Variants in STIM2 observed in about 807,000 individuals in gnomAD.
STIM2 encodes stromal interaction molecule 2.
A neutral mutation model predicts 85.8 loss-of-function variants in STIM2; 31 were observed. The ratio of observed to expected loss-of-function variants is 0.36; its 90% CI spans 0.27 to 0.49. The LOEUF is 0.49. STIM2 is among the 20% of genes least tolerant of loss of function. STIM2 has a pLI of 0.98. For missense variants in STIM2, 841 were observed against 927.6 expected (o/e 0.91, Z 1.21); for synonymous variants, 356 against 331.1 (o/e 1.08, Z -0.82).
intron 2 of STIM2, among the ~76,000 whole-genome samples, chr4:26,936,515 T>C (rs1725396708): frequency 6.6e-6 from 1 of 152,210 alleles, no homozygotes; most frequent in Non-Finnish European, 1.5e-5. Context: ...TCCCTCTTGC[T>C]GAGGCTGTCT....
At chr4:26,942,180 T>C (rs2109082445) in intron 2 of STIM2, among the ~76,000 whole-genome samples, 1 of 152,276 alleles carries the variant, frequency 6.6e-6, no homozygotes, top group South Asian at 2.1e-4. Flanking sequence ...TGCATTTGTG[T>C]CCATAAGCTT....
intron 3 of STIM2, among the ~76,000 whole-genome samples, chr4:26,963,865 A>G (rs1258732912): frequency 1.3e-5 from 2 of 152,230 alleles, no homozygotes; most frequent in Admixed American, 6.6e-5. Flanking sequence ...ACAAGAGATA[A>G]TACATTTTTA....
At chr4:26,966,445 T>A (rs1446072594) in intron 3 of STIM2, among the ~76,000 whole-genome samples, 1 of 152,180 alleles carries the variant, frequency 6.6e-6, no homozygotes, top group Non-Finnish European at 1.5e-5. Context: ...GACTTGTTTG[T>A]TGAGAATGAC....
At chr4:27,005,998 T>G (rs761509447) in intron 7 of STIM2, among the ~76,000 whole-genome samples, 16 of 152,182 alleles carry the variant, frequency 1.1e-4, no homozygotes, top group Non-Finnish European at 2.2e-4. Flanking sequence ...TTTTGTGGTG[T>G]TATGCAGGTC....
At chr4:27,012,475 T>C (rs969958111) in intron 10 of STIM2, among the ~76,000 whole-genome samples, 1 of 152,032 alleles carries the variant, frequency 6.6e-6, no homozygotes, top group Non-Finnish European at 1.5e-5. Context: ...GGTACCTTAA[T>C]AAATTTTTGG....
chr4:26,887,183 C>CTTTTTTTTT (rs34736602), intron 1 of STIM2, among the ~76,000 whole-genome samples: 6 of 70,950 alleles, frequency 8.5e-5, no homozygotes, highest in East Asian at 4.8e-4. Flanking sequence ...AATAATTAAA[C>CTTTTTTTTT]TTTTTTTTTT....
chr4:26,928,965 CTA>C (rs1725098265), intron 2 of STIM2, among the ~76,000 whole-genome samples: 1 of 152,160 alleles, frequency 6.6e-6, no homozygotes, highest in Non-Finnish European at 1.5e-5. Flanking sequence ...TATTTTACTA[CTA>C]CCTAAAAGAA....
At chr4:26,975,172 G>A (rs952449377) in intron 3 of STIM2, among the ~76,000 whole-genome samples, 1 of 152,086 alleles carries the variant, frequency 6.6e-6, no homozygotes, top group Non-Finnish European at 1.5e-5. Context: ...GCTTCCTTGC[G>A]ATGGGTTCGA....
At chr4:26,896,424 A>G (rs1723705338) in intron 1 of STIM2, among the ~76,000 whole-genome samples, 1 of 152,214 alleles carries the variant, frequency 6.6e-6, no homozygotes, top group African/African-American at 2.4e-5. Flanking sequence ...AGGGTGTATC[A>G]ACAGGGGACA....
At position 27,002,815 on chromosome 4, in the gene STIM2, G is replaced by T. The variant is rs1000184171; in HGVS notation, c.804-112G>T. ...ACTTAAGGCTAATGAAAAATGCTAT[G>T]ATTTCTGATTGAAATATGTATTTAA... On this transcript the variant is annotated intron_variant, in intron 6 of 11. Transcript: ENST00000467087. 1.1e-5 allele frequency: 11 copies of T among 1,005,824 alleles called. No homozygotes were observed. In the African/African-American group the frequency reaches 1.9e-4, roughly 17 times the overall value. 62.3% of individuals were successfully genotyped at this position (1,005,824 alleles called of 1,614,324 possible). A position where few individuals can be genotyped will look rare whatever the true frequency, so the allele number is the denominator to read the frequency against.
chr4:27,019,444 T>C (rs1252970025), intron 11 of STIM2: 1 of 1,289,804 alleles, frequency 7.8e-7, no homozygotes, highest in Non-Finnish European at 1.0e-6. Flanking sequence ...ACAGAACTGG[T>C]CTTGTGTGGT....
intron 3 of STIM2, among the ~76,000 whole-genome samples, chr4:26,974,812 G>A (rs1263214187): frequency 6.6e-6 from 1 of 152,142 alleles, no homozygotes; most frequent in African/African-American, 2.4e-5. Flanking sequence ...TGTTCTCCTG[G>A]ATAATATACT....
intron 2 of STIM2, 152 bp from the exon 3 acceptor site, chr4:26,957,460 A>G (rs1465893695): frequency 2.3e-6 from 1 of 442,510 alleles, no homozygotes; most frequent in South Asian, 3.6e-5. Flanking sequence ...ACATTTTACA[A>G]ACATGTAAGA....
At chr4:27,001,885 C>T (rs189734513) in intron 5 of STIM2, among the ~76,000 whole-genome samples, 4 of 152,284 alleles carry the variant, frequency 2.6e-5, no homozygotes, top group African/African-American at 9.6e-5. Context: ...ACTCCCTTCA[C>T]CCCACAGAGG....
Position 26,995,363 on chromosome 4 carries a change from C to T in STIM2, c.398-16C>T, listed in dbSNP as rs1452479885. The stretch of plus-strand genomic sequence containing the variant: ...AGGTGTGTTTAAAATATGCATTCCC[C>T]TTTTATCTCCTGCAGTTCATAATTG... On this transcript the variant is annotated splice_polypyrimidine_tract_variant and intron_variant, in intron 3 of 11. Coordinates refer to ENST00000467087, the MANE Select transcript of STIM2 (RefSeq NM_020860.4). The T allele has an allele frequency of 1.4e-6, 2 of 1,461,636 alleles. No individual in the cohort carries two copies. The highest frequency in any genetic ancestry group is 1.9e-6 in the Non-Finnish European group (2 of 1,077,380). The allele number at this position is 1,461,636 out of a possible 1,614,324, so 90.5% of individuals were successfully genotyped here. A position where few individuals can be genotyped will look rare whatever the true frequency, so the allele number is the denominator to read the frequency against.
chr4:26,908,475 T>TTTTGTTTG (rs146745390), intron 1 of STIM2, among the ~76,000 whole-genome samples: 4 of 152,188 alleles, frequency 2.6e-5, no homozygotes, highest in East Asian at 1.9e-4. Context: ...CACCCAGTCA[T>TTTTGTTTG]TTTGTTTGTT....
At chr4:26,909,277 A>G (rs545549223) in intron 1 of STIM2, among the ~76,000 whole-genome samples, 1 of 152,300 alleles carries the variant, frequency 6.6e-6, no homozygotes, top group African/African-American at 2.4e-5. Context: ...ATACTCTGTT[A>G]GGTGTTTTAT....
At chr4:26,928,183 C>T (rs1022182970) in intron 2 of STIM2, among the ~76,000 whole-genome samples, 1 of 151,998 alleles carries the variant, frequency 6.6e-6, no homozygotes, top group Non-Finnish European at 1.5e-5. Context: ...AGGGTTGGGC[C>T]CTTATGGTCC....
intron 2 of STIM2, among the ~76,000 whole-genome samples, chr4:26,942,358 G>A (rs2109082602): frequency 6.6e-6 from 1 of 152,206 alleles, no homozygotes; most frequent in East Asian, 1.9e-4. Context: ...TTGCTCATGT[G>A]TTCAAACCTG....
Sources: gnomAD v4.1 joint callset for allele counts (sites outside exome capture counted in the v4.1 genomes callset) on GRCh38, gnomAD v4.1.1 for gene constraint, MANE v1.5 for transcripts, NCBI Gene and HGNC (gene_info 2026-07-23, HGNC 2026-07-21) for gene names.